Variants in SUSD4 observed in about 807,000 individuals in gnomAD.
SUSD4 encodes sushi domain-containing protein 4.
In SUSD4, 41 loss-of-function variants were observed where a neutral mutation model predicts 50.5. The observed-to-expected ratio is 0.81, with a 90% CI of 0.63 to 1.05. The LOEUF is 1.05. Ranked by LOEUF, SUSD4 falls within the 50% of genes least tolerant of loss-of-function variation. SUSD4 has a pLI of 0.00. For missense variants in SUSD4, 580 were observed against 634.7 expected, an observed-to-expected ratio of 0.91 and a Z score of 0.93; for synonymous variants, 257 against 257.3, an observed-to-expected ratio of 1.00 and a Z score of 0.01.
intron 2 of SUSD4, among the ~76,000 whole-genome samples, chr1:223,354,946 TTTTC>T (rs545859964): frequency 5.5e-4 from 83 of 152,052 alleles, no homozygotes; most frequent in Non-Finnish European, 6.2e-4. Flanking sequence ...TAAGAATGCA[TTTTC>T]TTTCTTTCTT....
chr1:223,347,397 G>A (rs1006996060), intron 2 of SUSD4, among the ~76,000 whole-genome samples: 1 of 151,986 alleles, frequency 6.6e-6, no homozygotes, highest in African/African-American at 2.4e-5. Flanking sequence ...GTCTTTCAAG[G>A]CCTAACTTAA....
intron 5 of SUSD4, among the ~76,000 whole-genome samples, chr1:223,242,593 T>C (rs1558174973): frequency 6.6e-6 from 1 of 152,244 alleles, no homozygotes; most frequent in African/African-American, 2.4e-5. Context: ...GGATGCCTGA[T>C]AGTGACTGGG....
chr1:223,363,312 C>T lies in SUSD4; in HGVS notation c.114G>A (p.Leu38=), dbSNP rs1257470539. The T allele has an allele frequency of 6.2e-7, 1 of 1,610,466 alleles. No individual in the cohort carries two copies. Among genetic ancestry groups the T allele is most frequent in the Non-Finnish European group, 8.5e-7 (1 of 1,178,686 alleles). Residue 38 remains leucine (L), a synonymous_variant, in exon 2 of 9, where the codon CTG becomes CTA. Coordinates refer to ENST00000366878, the MANE Select transcript of SUSD4 (RefSeq NM_017982.4). ...GCTGTGCAGGGCCGAAGCACAGCGC[C>T]AGCTGAAACCACAGGATCACGGCCA... The part of the protein sequence containing the change: ...RLLAVILWFQ[L]ALCFGPAQLT...
intron 4 of SUSD4, among the ~76,000 whole-genome samples, chr1:223,266,073 C>T (rs1240137306): frequency 2.6e-5 from 4 of 152,126 alleles, no homozygotes; most frequent in African/African-American, 9.7e-5. Context: ...AAGGCGGGTG[C>T]AGAATTTGAG....
chr1:223,293,314 G>A (rs927824116), intron 2 of SUSD4, among the ~76,000 whole-genome samples: 7 of 151,922 alleles, frequency 4.6e-5, no homozygotes, highest in African/African-American at 1.5e-4. Context: ...TTCACTCTCC[G>A]CCTGCCTCAT....
intron 5 of SUSD4, among the ~76,000 whole-genome samples, chr1:223,252,719 C>CTTT (rs3042609): frequency 6.7e-5 from 10 of 149,576 alleles, no homozygotes; most frequent in South Asian, 4.2e-4. Context: ...ATATAATTGG[C>CTTT]TTTTTTTTTT....
chr1:223,220,965 G>A lies in SUSD4; in HGVS notation c.*1227C>T, dbSNP rs1659109117. ...TACATTTGTCTAAAACCAAGAGAAG[G>A]AAAGGAATCAACTCCACAGATCAAC... On this transcript the variant is annotated 3_prime_UTR_variant, in exon 9 of 9. Coordinates refer to ENST00000366878, the MANE Select transcript of SUSD4 (RefSeq NM_017982.4). The A allele has an allele frequency of 5.0e-6, 2 of 400,656 alleles. No homozygotes were observed. Among genetic ancestry groups the A allele is most frequent in the Admixed American group, 8.8e-5 (2 of 22,728 alleles). 24.8% of individuals were successfully genotyped at this position (400,656 alleles called of 1,614,324 possible).
intron 2 of SUSD4, among the ~76,000 whole-genome samples, chr1:223,303,466 A>G (rs1665318223): frequency 6.8e-6 from 1 of 147,416 alleles, no homozygotes; most frequent in Non-Finnish European, 1.5e-5. Context: ...AGGACATTCA[A>G]TAGTTTTTGA....
At chr1:223,249,670 T>C (rs1661175434) in intron 5 of SUSD4, among the ~76,000 whole-genome samples, 1 of 152,224 alleles carries the variant, frequency 6.6e-6, no homozygotes. Context: ...AATAAGTTTA[T>C]ATTATCCATA....
chr1:223,230,621 G>GA (rs1409788226), intron 5 of SUSD4: 1 of 152,254 alleles, frequency 6.6e-6, no homozygotes, highest in Non-Finnish European at 1.5e-5. Context: ...CGATGCGTGT[G>GA]AAGCAGGGTT....
intron 2 of SUSD4, among the ~76,000 whole-genome samples, chr1:223,294,335 G>A (rs895178769): frequency 6.6e-6 from 1 of 152,132 alleles, no homozygotes; most frequent in African/African-American, 2.4e-5. Context: ...CTCTTGCAAG[G>A]TTTACCTGGT....
chr1:223,297,473 G>T (rs1664903040), intron 2 of SUSD4, among the ~76,000 whole-genome samples: 1 of 152,162 alleles, frequency 6.6e-6, no homozygotes, highest in Non-Finnish European at 1.5e-5. Flanking sequence ...GTCCCCACCT[G>T]AATGTGGGCA....
intron 5 of SUSD4, among the ~76,000 whole-genome samples, chr1:223,235,574 T>G (rs532980435): frequency 3.3e-5 from 5 of 149,520 alleles, no homozygotes; most frequent in African/African-American, 1.2e-4. Context: ...GTCGTCATAG[T>G]TTTGCCTTTT....
At chr1:223,301,564 C>T (rs1665198642) in intron 2 of SUSD4, among the ~76,000 whole-genome samples, 1 of 152,120 alleles carries the variant, frequency 6.6e-6, no homozygotes. Flanking sequence ...AGAGCTTTTC[C>T]CCCCTTACTT....
intron 2 of SUSD4, among the ~76,000 whole-genome samples, chr1:223,314,867 C>T (rs929376108): frequency 2.0e-5 from 3 of 152,130 alleles, no homozygotes; most frequent in Non-Finnish European, 4.4e-5. Flanking sequence ...AGCATGAAAA[C>T]AAACTAATAC....
At chr1:223,241,603 C>T (rs1443348877) in intron 5 of SUSD4, among the ~76,000 whole-genome samples, 2 of 152,194 alleles carry the variant, frequency 1.3e-5, no homozygotes, top group Non-Finnish European at 2.9e-5. Flanking sequence ...GTTTTTTACT[C>T]ATTGTTAGGA....
chr1:223,296,732 T>C (rs911000311), intron 2 of SUSD4, among the ~76,000 whole-genome samples: 1 of 152,162 alleles, frequency 6.6e-6, no homozygotes. Flanking sequence ...GTTACCTCCA[T>C]GCTGTTCTTG....
At chr1:223,222,689 C>A (rs1659207698) in intron 8 of SUSD4, among the ~76,000 whole-genome samples, 1 of 152,232 alleles carries the variant, frequency 6.6e-6, no homozygotes, top group Non-Finnish European at 1.5e-5. Flanking sequence ...ATCAATCTGA[C>A]ACATTTTCCT....
chr1:223,310,501 T>C (rs1477964524), intron 2 of SUSD4, among the ~76,000 whole-genome samples: 1 of 152,160 alleles, frequency 6.6e-6, no homozygotes, highest in East Asian at 1.9e-4. Context: ...CATATATATG[T>C]TAACTAAACA....
Sources: allele counts gnomAD v4.1 joint callset (sites outside exome capture counted in the v4.1 genomes callset), GRCh38; gene constraint gnomAD v4.1.1; transcripts MANE v1.5; gene names NCBI Gene and HGNC (gene_info 2026-07-23, HGNC 2026-07-21).